Variants in KCNK2 observed in about 807,000 individuals in gnomAD.
KCNK2 encodes the protein potassium channel subfamily K member 2.
A neutral mutation model predicts 40.5 loss-of-function variants in KCNK2; 21 were observed. The ratio of observed to expected loss-of-function variants is 0.52; its 90% CI spans 0.37 to 0.75. The LOEUF is 0.75. Ranked by LOEUF, KCNK2 falls within the 30% of genes least tolerant of loss-of-function variation. KCNK2 has a pLI of 0.00. For synonymous variants in KCNK2, 191 were observed against 202.2 expected, an observed-to-expected ratio of 0.94 and a Z score of 0.47; for missense variants, 399 against 531.6, an observed-to-expected ratio of 0.75 and a Z score of 2.45.
At chr1:215,053,073 CT>C (rs1292634123) in intron 1 of KCNK2, among the ~76,000 whole-genome samples, 2 of 151,994 alleles carry the variant, frequency 1.3e-5, no homozygotes, top group East Asian at 3.9e-4. Context: ...CTTTTCTTTT[CT>C]TTTTTTAAAA....
At chr1:215,032,519 T>C (rs1310828796) in intron 1 of KCNK2, among the ~76,000 whole-genome samples, 1 of 152,134 alleles carries the variant, frequency 6.6e-6, no homozygotes, top group African/African-American at 2.4e-5. Flanking sequence ...TTCTGATCCA[T>C]ATCATTTCTC....
intron 3 of KCNK2, among the ~76,000 whole-genome samples, chr1:215,157,918 A>G (rs1663004249): frequency 6.6e-6 from 1 of 152,168 alleles, no homozygotes; most frequent in South Asian, 2.1e-4. Context: ...AGAGGGAAGA[A>G]AGCATCAGGA....
At chr1:215,047,710 T>C (rs1211891321) in intron 1 of KCNK2, among the ~76,000 whole-genome samples, 5 of 152,192 alleles carry the variant, frequency 3.3e-5, no homozygotes. Context: ...GTAATTGAAC[T>C]TTTCCTCTTG....
At chr1:215,117,168 T>A (rs1246967978) in intron 2 of KCNK2, among the ~76,000 whole-genome samples, 1 of 152,012 alleles carries the variant, frequency 6.6e-6, no homozygotes, top group Non-Finnish European at 1.5e-5. Flanking sequence ...ACTACAGAAT[T>A]TCTGAAAAAC....
At chr1:215,181,918 G>A (rs1014786745) in intron 5 of KCNK2, among the ~76,000 whole-genome samples, 36 of 152,222 alleles carry the variant, frequency 2.4e-4, no homozygotes, top group African/African-American at 8.4e-4. Flanking sequence ...CCTGATGGCA[G>A]GTACAGGCAC....
chr1:215,114,058 C>T (rs1660817829), intron 2 of KCNK2, among the ~76,000 whole-genome samples: 2 of 152,032 alleles, frequency 1.3e-5, no homozygotes, highest in South Asian at 2.1e-4. Context: ...TTTTCTCTTT[C>T]CCTGCTTGGT....
intron 1 of KCNK2, 195 bp downstream of exon 1, chr1:215,083,626 C>T (rs573324603): frequency 5.1e-5 from 31 of 608,908 alleles, no homozygotes; most frequent in Non-Finnish European, 8.2e-5. Context: ...CTTCTCCCCC[C>T]TCTCCCGCCG....
chr1:215,036,276 C>A (rs1044431734), intron 1 of KCNK2, among the ~76,000 whole-genome samples: 1 of 151,620 alleles, frequency 6.6e-6, no homozygotes, highest in Admixed American at 6.6e-5. Flanking sequence ...GTTGTTCCAG[C>A]ACTATTTGTT....
chr1:215,172,778 T>G (rs922859071), intron 5 of KCNK2, among the ~76,000 whole-genome samples: 5 of 152,032 alleles, frequency 3.3e-5, no homozygotes, highest in African/African-American at 1.2e-4. Context: ...TGTCTCAGCC[T>G]CCTGAGTAGC....
rs367815630 is a variant in KCNK2, at chr1:215,172,177, G to A, written c.817G>A (p.Val273Ile). Residue 273 changes from valine to isoleucine, a missense_variant, in exon 5 of 7, where the codon GTT (valine) becomes ATT (isoleucine). Coordinates refer to ENST00000444842, the MANE Select transcript of KCNK2 (RefSeq NM_001017425.3). ...AACAACTATTGGATTTGGTGACTAC[G>A]TTGCAGGTAAGCTTTTCCTGGCATC... ...TLTTIGFGDYVAGGSDIEYLD... is the reference protein window; with the variant it reads ...TLTTIGFGDYIAGGSDIEYLD... 5.6e-6 allele frequency: 9 copies of A among 1,611,038 alleles called. No homozygotes were observed. Among genetic ancestry groups the A allele is most frequent in the South Asian group, 2.2e-5 (2 of 90,650 alleles).
intron 1 of KCNK2, among the ~76,000 whole-genome samples, chr1:215,024,841 A>C (rs1271991461): frequency 6.6e-6 from 1 of 151,932 alleles, no homozygotes; most frequent in African/African-American, 2.4e-5. Context: ...ATCTCCACCC[A>C]CCAGAGCTAA....
intron 2 of KCNK2, among the ~76,000 whole-genome samples, chr1:215,087,719 C>T (rs993427816): frequency 6.6e-6 from 1 of 152,130 alleles, no homozygotes; most frequent in African/African-American, 2.4e-5. Context: ...TTTGGTTTTA[C>T]ATTGTTTGAA....
intron 3 of KCNK2, among the ~76,000 whole-genome samples, chr1:215,139,794 T>C (rs1397770986): frequency 6.6e-6 from 1 of 152,162 alleles, no homozygotes; most frequent in East Asian, 1.9e-4. Context: ...TAATGCCTTT[T>C]TCCCCGATTT....
chr1:215,059,744 G>C (rs1441307142), intron 1 of KCNK2, among the ~76,000 whole-genome samples: 1 of 152,178 alleles, frequency 6.6e-6, no homozygotes, highest in Non-Finnish European at 1.5e-5. Flanking sequence ...CATGTTATCT[G>C]GGCCTAGACA....
intron 3 of KCNK2, among the ~76,000 whole-genome samples, chr1:215,128,960 G>C (rs1661555221): frequency 6.6e-6 from 1 of 152,170 alleles, no homozygotes; most frequent in South Asian, 2.1e-4. Flanking sequence ...CATTTGTCAG[G>C]AAGAGGATTA....
chr1:215,171,038 C>T (rs1663689534), intron 4 of KCNK2, among the ~76,000 whole-genome samples: 1 of 152,138 alleles, frequency 6.6e-6, no homozygotes, highest in African/African-American at 2.4e-5. Flanking sequence ...TCTATGTACC[C>T]TTTCCATTCT....
At chr1:215,134,536 A>G (rs1661815430) in intron 3 of KCNK2, among the ~76,000 whole-genome samples, 1 of 152,194 alleles carries the variant, frequency 6.6e-6, no homozygotes, top group Admixed American at 6.6e-5. Flanking sequence ...CAAACCCCAT[A>G]GTTCAGAGAT....
chr1:215,144,080 G>A (rs1262192454), intron 3 of KCNK2, among the ~76,000 whole-genome samples: 1 of 152,104 alleles, frequency 6.6e-6, no homozygotes, highest in Admixed American at 6.6e-5. Flanking sequence ...AACCTTGTAT[G>A]ATATTTAGGC....
Position 215,207,089 on chromosome 1 carries a change from T to C in KCNK2, c.963+11997T>C, listed in dbSNP as rs535673203. Among the ~76,000 whole-genome samples, 4 of 152,272 alleles carry C rather than the reference T, an allele frequency of 2.6e-5. No individual in the cohort carries two copies. The South Asian group carries it at 8.3e-4, about 32-fold the overall frequency. On this transcript the variant is annotated intron_variant, in intron 6 of 6. Transcript: ENST00000444842. Reference sequence around the variant, plus strand: ...ATTAGCAGACCAGTTGACACAATGATAATGTATGTGCAAACATACTCTCCC... The same window carrying C: ...ATTAGCAGACCAGTTGACACAATGACAATGTATGTGCAAACATACTCTCCC...
Sources: gnomAD v4.1 joint callset for allele counts (sites outside exome capture counted in the v4.1 genomes callset) on GRCh38, gnomAD v4.1.1 for gene constraint, MANE v1.5 for transcripts, NCBI Gene and HGNC (gene_info 2026-07-23, HGNC 2026-07-21) for gene names.